HS6ST1: variants seen among roughly 807,000 people sequenced by gnomAD.
HS6ST1 encodes the protein heparan sulfate 6-O-sulfotransferase 1, also known as heparan-sulfate 6-O-sulfotransferase 1.
A neutral mutation model predicts 25.2 loss-of-function variants in HS6ST1; 3 were observed. That is an observed-to-expected ratio of 0.12 (90% CI 0.05 to 0.31). The LOEUF (loss-of-function observed/expected upper bound fraction) is 0.31, where lower values mean the gene tolerates loss of function less well. Among genes scored for constraint, HS6ST1 ranks in the 10% least tolerant of loss-of-function variants. The pLI, the probability that HS6ST1 is intolerant of heterozygous loss-of-function variation, is 1.00. For synonymous variants in HS6ST1, 204 were observed against 275.1 expected (o/e 0.74, Z 2.56); for missense variants, 310 against 609.6 (o/e 0.51, Z 5.18).
chr2:128,271,205 G>A (rs1693604079), intron 1 of HS6ST1, among the ~76,000 whole-genome samples: 2 of 152,266 alleles, frequency 1.3e-5, no homozygotes, highest in African/African-American at 2.4e-5. Flanking sequence ...TCCCGTCAGA[G>A]GCCCAAGCAT....
chr2:128,277,863 G>A (rs114704407), intron 1 of HS6ST1, among the ~76,000 whole-genome samples: 10 of 152,378 alleles, frequency 6.6e-5, no homozygotes, highest in African/African-American at 1.9e-4. Flanking sequence ...CAGAATGATC[G>A]CCTGGATCAT....
rs1433416034 is a variant in HS6ST1 at position 128,268,693 on chromosome 2, T to C, written c.705A>G (p.Leu235=). ...TGTACGGGCAGTCCATGAACTCCTGTAGCGTGCAGCCCGACCAGTCCGTGC... is the reference window on the plus strand; with the variant it reads ...TGTACGGGCAGTCCATGAACTCCTGCAGCGTGCAGCCCGACCAGTCCGTGC... ...YEGTDWSGCT[L]QEFMDCPYNL... Residue 235 remains leucine (L), a synonymous_variant, in exon 2 of 2, where the codon CTA becomes CTG. Transcript: ENST00000259241. The C allele has an allele frequency of 2.5e-6, 4 of 1,611,820 alleles. No homozygotes were observed. In the African/African-American group the frequency reaches 4.0e-5, roughly 16 times the overall value.
chr2:128,311,035 G>A (rs969301471), intron 1 of HS6ST1, among the ~76,000 whole-genome samples: 3 of 152,026 alleles, frequency 2.0e-5, no homozygotes, highest in Non-Finnish European at 2.9e-5. Context: ...CCCTGTGTGT[G>A]GGAGGCTTTT....
At chr2:128,304,539 T>C (rs1468824399) in intron 1 of HS6ST1, among the ~76,000 whole-genome samples, 1 of 64,290 alleles carries the variant, frequency 1.6e-5, no homozygotes, top group East Asian at 8.7e-4. Flanking sequence ...GCCTTGCTAA[T>C]GGACAGCTGC....
rs1169094226 is a variant in HS6ST1, at chr2:128,318,451, G to C, written c.113C>G (p.Pro38Arg). 1.3e-6 allele frequency: 2 copies of C among 1,588,508 alleles called. No homozygotes were observed. Among genetic ancestry groups the C allele is most frequent in the Non-Finnish European group, 1.7e-6 (2 of 1,170,492 alleles). The stretch of plus-strand genomic sequence containing the variant: ...GCCGGGCGCGCCCAGGCTCAGTCCT[G>C]GGCCCGCGTACTGGTACAAGATGAG... Reference protein sequence around the residue: ...FMLILYQYAGPGLSLGAPGGR... With the variant: ...FMLILYQYAGRGLSLGAPGGR... The change falls in exon 1 of 2, where the codon CCA becomes CGA. Residue 38 changes from proline (P) to arginine (R), a missense_variant. By Grantham distance (103) the Pro-to-Arg change is moderately radical (BLOSUM62 -2). Transcript: ENST00000259241. The surrounding 1 kb of genome is among the most constrained non-coding windows in gnomAD (Gnocchi z 5.7).
intron 1 of HS6ST1, among the ~76,000 whole-genome samples, chr2:128,304,689 T>C (rs1325403936): frequency 7.2e-6 from 1 of 139,710 alleles, no homozygotes; most frequent in South Asian, 2.2e-4. Flanking sequence ...TGGGAAGATA[T>C]GGAGGCACCC....
chr2:128,293,236 G>A (rs767130291), intron 1 of HS6ST1, among the ~76,000 whole-genome samples: 1 of 152,272 alleles, frequency 6.6e-6, no homozygotes, highest in Non-Finnish European at 1.5e-5. Context: ...TCTGAGCCAG[G>A]GGCATGTCAC....
chr2:128,270,871 G>T (rs1228415250), intron 1 of HS6ST1, among the ~76,000 whole-genome samples: 2 of 152,194 alleles, frequency 1.3e-5, no homozygotes, highest in Non-Finnish European at 2.9e-5. Context: ...AAGGACTCTG[G>T]CCCCAAGGGT....
intron 1 of HS6ST1, among the ~76,000 whole-genome samples, chr2:128,288,699 A>AACGATAATGTAC (rs11267620): frequency 0.46 from 70,016 of 151,750 alleles, 17,293 homozygotes; most frequent in East Asian, 0.76. Flanking sequence ...AAACAAACAA[A>AACGATAATGTAC]ACAATCTAAT....
At chr2:128,289,232 A>T (rs1030168102) in intron 1 of HS6ST1, among the ~76,000 whole-genome samples, 4 of 147,492 alleles carry the variant, frequency 2.7e-5, no homozygotes, top group African/African-American at 1.0e-4. Context: ...GCACTGAGAA[A>T]GCTGTCACCT....
intron 1 of HS6ST1, among the ~76,000 whole-genome samples, chr2:128,304,360 G>A (rs1694176604): frequency 6.6e-6 from 1 of 152,226 alleles, no homozygotes; most frequent in Non-Finnish European, 1.5e-5. Flanking sequence ...CTGTGTGGGT[G>A]CTCCCCAGGG....
intron 1 of HS6ST1, among the ~76,000 whole-genome samples, chr2:128,277,391 C>T (rs1004099915): frequency 1.3e-5 from 2 of 152,226 alleles, no homozygotes; most frequent in Non-Finnish European, 2.9e-5. Flanking sequence ...CCAGCGTTCA[C>T]CCCTGAATGG....
intron 1 of HS6ST1, among the ~76,000 whole-genome samples, chr2:128,300,469 G>A (rs1027948034): frequency 4.1e-4 from 62 of 152,196 alleles, no homozygotes; most frequent in African/African-American, 2.7e-4. Context: ...GTGTGTTCGC[G>A]GAGGTGTCTA....
chr2:128,274,056 A>G (rs762218019), intron 1 of HS6ST1, among the ~76,000 whole-genome samples: 54 of 152,192 alleles, frequency 3.5e-4, no homozygotes, highest in Non-Finnish European at 8.8e-5. Context: ...TCTTCCCTGC[A>G]CTGACACCTG....
chr2:128,318,595 C>A lies in HS6ST1; in HGVS notation c.-32G>T. On this transcript the variant is annotated 5_prime_UTR_variant, in exon 1 of 2. Coordinates refer to ENST00000259241, the MANE Select transcript of HS6ST1 (RefSeq NM_004807.3). The surrounding 1 kb of genome is among the most constrained non-coding windows in gnomAD (Gnocchi z 5.7). ...CCATCGCCGGGGCCCGGGCGCGGGG[C>A]GCGGGGCCTGGGAGGGCAGGAGGCG... The A allele has an allele frequency of 1.5e-6, 2 of 1,302,566 alleles. No individual in the cohort carries two copies. The highest frequency in any genetic ancestry group is 9.9e-7 in the Non-Finnish European group (1 of 1,012,658). The allele number at this position is 1,302,566 out of a possible 1,614,324, so 80.7% of individuals were successfully genotyped here.
intron 1 of HS6ST1, among the ~76,000 whole-genome samples, chr2:128,287,680 T>C (rs1296297333): frequency 2.0e-5 from 3 of 152,214 alleles, no homozygotes; most frequent in Non-Finnish European, 4.4e-5. Context: ...TTCTGGGAGC[T>C]TGACCCTGTC....
Position 128,267,831 on chromosome 2 carries a change from G to C in HS6ST1, c.*331C>G. ...GGCAGGTCCACTTTCCGCTGTCCTC[G>C]TCTCTTGCGCAAACCTTCAGTTTTT... On this transcript the variant is annotated 3_prime_UTR_variant, in exon 2 of 2. Coordinates refer to ENST00000259241, the MANE Select transcript of HS6ST1 (RefSeq NM_004807.3). 2.4e-6 allele frequency: 1 copy of C among 413,790 alleles called. No homozygotes were observed. Among genetic ancestry groups the C allele is most frequent in the Non-Finnish European group, 4.2e-6 (1 of 240,496 alleles). The allele number at this position is 413,790 out of a possible 1,614,324, so 25.6% of individuals were successfully genotyped here. A position where few individuals can be genotyped will look rare whatever the true frequency, so the allele number is the denominator to read the frequency against.
chr2:128,304,608 C>T (rs902190015), intron 1 of HS6ST1, among the ~76,000 whole-genome samples: 3 of 45,058 alleles, frequency 6.7e-5, no homozygotes, highest in African/African-American at 3.8e-4. Context: ...GGTCCCCTCT[C>T]GGGAGAGCCC....
At chr2:128,279,868 G>T (rs923977561) in intron 1 of HS6ST1, among the ~76,000 whole-genome samples, 2 of 152,168 alleles carry the variant, frequency 1.3e-5, no homozygotes, top group Non-Finnish European at 2.9e-5. Context: ...ATTCCTCTGA[G>T]GACCGCGTGA....
Sources: allele counts gnomAD v4.1 joint callset (sites outside exome capture counted in the v4.1 genomes callset), GRCh38; gene constraint gnomAD v4.1.1; non-coding constraint Gnocchi (gnomAD v3.1); transcripts MANE v1.5; gene names NCBI Gene and HGNC (gene_info 2026-07-23, HGNC 2026-07-21).